Variants in ZNF892 observed in about 807,000 individuals in gnomAD.
The protein encoded by ZNF892 is zinc finger protein 892.
the ZNF892 span, among the ~76,000 whole-genome samples, chr2:95,247,438 A>G: frequency 6.6e-6 from 1 of 152,226 alleles, no homozygotes; most frequent in Non-Finnish European, 1.5e-5. Flanking sequence ...CATTCTGGAC[A>G]TTGGCCTCAG....
chr2:95,242,855 C>T, the ZNF892 span, among the ~76,000 whole-genome samples: 40 of 152,096 alleles, frequency 2.6e-4, no homozygotes, highest in South Asian at 4.4e-3. Flanking sequence ...CCTCTCCCCA[C>T]GGTCTCCCTC....
the ZNF892 span, among the ~76,000 whole-genome samples, chr2:95,209,758 A>G: frequency 1.3e-5 from 2 of 152,156 alleles, no homozygotes; most frequent in South Asian, 4.1e-4. Context: ...AGGTTTTCTT[A>G]GGGAACTGAA....
the ZNF892 span, among the ~76,000 whole-genome samples, chr2:95,258,485 G>C: frequency 6.6e-6 from 1 of 152,146 alleles, no homozygotes; most frequent in Non-Finnish European, 1.5e-5. Context: ...TTATAAATTG[G>C]GAATGGACGT....
At chr2:95,253,910 T>C in the ZNF892 span, among the ~76,000 whole-genome samples, 1 of 152,228 alleles carries the variant, frequency 6.6e-6, no homozygotes, top group South Asian at 2.1e-4. Context: ...AGAATGCTTG[T>C]GATTTTTGCA....
chr2:95,225,503 A>C, the ZNF892 span, among the ~76,000 whole-genome samples: 2 of 152,244 alleles, frequency 1.3e-5, no homozygotes, highest in East Asian at 3.9e-4. Flanking sequence ...AGTTGCACCC[A>C]CAAGGGTGAA....
At chr2:95,255,934 A>G in the ZNF892 span, among the ~76,000 whole-genome samples, 1 of 152,112 alleles carries the variant, frequency 6.6e-6, no homozygotes, top group Non-Finnish European at 1.5e-5. Flanking sequence ...TTTGCTTGGT[A>G]GCTCTTCCTC....
the ZNF892 span, among the ~76,000 whole-genome samples, chr2:95,224,112 C>G: frequency 2.0e-5 from 3 of 152,286 alleles, no homozygotes; most frequent in East Asian, 3.9e-4. Context: ...CTTGGACTTC[C>G]CAGCCTCCAG....
At chr2:95,242,567 A>C in the ZNF892 span, among the ~76,000 whole-genome samples, 1 of 152,236 alleles carries the variant, frequency 6.6e-6, no homozygotes, top group African/African-American at 2.4e-5. Flanking sequence ...CAGTGACACT[A>C]TGAAGCAATT....
the ZNF892 span, among the ~76,000 whole-genome samples, chr2:95,236,494 C>A: frequency 3.9e-5 from 6 of 152,178 alleles, no homozygotes; most frequent in African/African-American, 1.4e-4. Flanking sequence ...GTAATTAATT[C>A]TCGTTCTGCT....
chr2:95,249,950 CAT>C, the ZNF892 span, among the ~76,000 whole-genome samples: 1 of 152,112 alleles, frequency 6.6e-6, no homozygotes, highest in Non-Finnish European at 1.5e-5. Flanking sequence ...ACATATAAAA[CAT>C]AACCATTGTT....
chr2:95,238,866 C>T, the ZNF892 span, among the ~76,000 whole-genome samples: 7 of 152,218 alleles, frequency 4.6e-5, no homozygotes, highest in East Asian at 1.9e-4. Flanking sequence ...GGGCCAGGCG[C>T]GGTGGCTCAC....
the ZNF892 span, among the ~76,000 whole-genome samples, chr2:95,216,292 T>G: frequency 6.6e-6 from 1 of 152,224 alleles, no homozygotes; most frequent in African/African-American, 2.4e-5. Flanking sequence ...TTTGGACTTT[T>G]TGTCTTTTAG....
At chr2:95,216,605 C>T in the ZNF892 span, among the ~76,000 whole-genome samples, 1 of 152,066 alleles carries the variant, frequency 6.6e-6, no homozygotes, top group Non-Finnish European at 1.5e-5. Flanking sequence ...TGGGTAGAGG[C>T]AGGTGGCATC....
At chr2:95,232,784 T>C in the ZNF892 span, among the ~76,000 whole-genome samples, 580 of 152,398 alleles carry the variant, frequency 3.8e-3, 3 homozygotes, top group Non-Finnish European at 6.0e-3. Flanking sequence ...AATGCTAATA[T>C]AGACTGCTTT....
the ZNF892 span, among the ~76,000 whole-genome samples, chr2:95,261,143 A>G: frequency 6.7e-4 from 102 of 152,310 alleles, no homozygotes; most frequent in African/African-American, 2.4e-3. Flanking sequence ...ACAACCCAGA[A>G]GAGGGAGGCC....
the ZNF892 span, among the ~76,000 whole-genome samples, chr2:95,221,127 G>A: frequency 4.6e-5 from 7 of 152,122 alleles, no homozygotes; most frequent in Non-Finnish European, 1.0e-4. Context: ...GCCTACTTGA[G>A]AATGATTGCA....
chr2:95,215,152 G>A, the ZNF892 span: 41 of 463,898 alleles, frequency 8.8e-5, no homozygotes, highest in Non-Finnish European at 1.4e-4. Context: ...TTTAGTGATC[G>A]GTCAGGTCTT....
chr2:95,261,666 G>C, the ZNF892 span, among the ~76,000 whole-genome samples: 2 of 152,234 alleles, frequency 1.3e-5, no homozygotes, highest in Admixed American at 1.3e-4. Flanking sequence ...GTTGTGACCA[G>C]TAGCAAAGTG....
chr2:95,218,746 G>T, the ZNF892 span, among the ~76,000 whole-genome samples: 2 of 152,212 alleles, frequency 1.3e-5, no homozygotes, highest in East Asian at 3.9e-4. Flanking sequence ...CTAAAATCAG[G>T]GTCCAACAGC....
Sources: allele counts gnomAD v4.1 joint callset (sites outside exome capture counted in the v4.1 genomes callset), GRCh38; gene constraint gnomAD v4.1.1; transcripts MANE v1.5; gene names NCBI Gene and HGNC (gene_info 2026-07-23, HGNC 2026-07-21).